Variants in SLC30A4 observed in about 807,000 individuals in gnomAD.
SLC30A4 encodes the protein solute carrier family 30 member 4.
In SLC30A4, 20 loss-of-function variants were observed where a neutral mutation model predicts 41.7. The ratio of observed to expected loss-of-function variants is 0.48; its 90% CI spans 0.34 to 0.70. The LOEUF is 0.70. SLC30A4 is among the 30% of genes least tolerant of loss of function. The pLI, the probability that SLC30A4 is intolerant of heterozygous loss-of-function variation, is 0.01. For missense variants in SLC30A4, 441 were observed against 529.3 expected, an observed-to-expected ratio of 0.83 and a Z score of 1.64; for synonymous variants, 181 against 195.9, an observed-to-expected ratio of 0.92 and a Z score of 0.64.
At chr15:45,486,550 G>A in intron 7 of SLC30A4, 61 bp downstream of exon 7, 2 of 1,421,088 alleles carry the variant, frequency 1.4e-6, no homozygotes, top group Non-Finnish European at 1.9e-6. Context: ...AAGCAGGGAT[G>A]TTTAGTTTCA....
intron 2 of SLC30A4, among the ~76,000 whole-genome samples, chr15:45,517,403 G>A (rs1393475515): frequency 7.0e-6 from 1 of 142,408 alleles, no homozygotes; most frequent in African/African-American, 2.6e-5. Context: ...GCCCAGGCTG[G>A]AGTGCAACAG....
chr15:45,511,490 T>C (rs1892289819), intron 2 of SLC30A4, among the ~76,000 whole-genome samples: 1 of 152,022 alleles, frequency 6.6e-6, no homozygotes, highest in Non-Finnish European at 1.5e-5. Context: ...CTTCTTTTTT[T>C]CTTTTTTTTT....
chr15:45,505,526 A>T (rs1168026807), intron 3 of SLC30A4, among the ~76,000 whole-genome samples: 2 of 152,218 alleles, frequency 1.3e-5, no homozygotes, highest in Non-Finnish European at 2.9e-5. Flanking sequence ...ATTTTTATTC[A>T]AAAGGAGCAA....
intron 3 of SLC30A4, among the ~76,000 whole-genome samples, chr15:45,494,352 CAA>C (rs1891867498): frequency 6.6e-6 from 1 of 152,062 alleles, no homozygotes; most frequent in Admixed American, 6.6e-5. Context: ...GATTTCTTGT[CAA>C]AGTTATAACT....
At chr15:45,509,131 C>T (rs185615918) in intron 3 of SLC30A4, among the ~76,000 whole-genome samples, 7 of 151,524 alleles carry the variant, frequency 4.6e-5, no homozygotes, top group Non-Finnish European at 8.8e-5. Flanking sequence ...GTTTAAATCT[C>T]AAAAAAATTA....
At chr15:45,488,288 T>C (rs1265201230) in intron 5 of SLC30A4, among the ~76,000 whole-genome samples, 1 of 152,166 alleles carries the variant, frequency 6.6e-6, no homozygotes, top group East Asian at 1.9e-4. Context: ...AATTGAGTTA[T>C]CTGGGCAATC....
At chr15:45,489,879 T>C (rs1400964226) in intron 4 of SLC30A4, among the ~76,000 whole-genome samples, 1 of 152,198 alleles carries the variant, frequency 6.6e-6, no homozygotes, top group Non-Finnish European at 1.5e-5. Flanking sequence ...CACTGATTTT[T>C]TTTTTGTACA....
intron 2 of SLC30A4, chr15:45,520,794 CAT>C (rs896625850): frequency 2.2e-5 from 6 of 277,604 alleles, no homozygotes; most frequent in African/African-American, 6.7e-5. Flanking sequence ...TATTTATACA[CAT>C]GTGACCTGTG....
At chr15:45,510,159 C>T (rs746570459) in intron 3 of SLC30A4, among the ~76,000 whole-genome samples, 10 of 149,810 alleles carry the variant, frequency 6.7e-5, no homozygotes, top group Non-Finnish European at 1.2e-4. Context: ...GTCTTAAAAG[C>T]AAAAACGAGA....
chr15:45,489,070 A>G, intron 4 of SLC30A4, 28 bp from the exon 5 acceptor site: 1 of 1,528,100 alleles, frequency 6.5e-7, no homozygotes, highest in Non-Finnish European at 9.0e-7. Context: ...AAACATTATT[A>G]TTTTTCCCAA....
chr15:45,490,575 T>C (rs1465823630), intron 4 of SLC30A4, among the ~76,000 whole-genome samples, 153 bp downstream of exon 4: 1 of 152,248 alleles, frequency 6.6e-6, no homozygotes, highest in Non-Finnish European at 1.5e-5. Flanking sequence ...ATGAGGAATT[T>C]ATAACGTCCA....
intron 4 of SLC30A4, among the ~76,000 whole-genome samples, chr15:45,490,246 C>T (rs923447516): frequency 1.3e-5 from 2 of 152,090 alleles, no homozygotes; most frequent in East Asian, 3.8e-4. Context: ...CACGAGCCAC[C>T]GTGCCTGGCT....
chr15:45,504,566 C>T (rs556599400), intron 3 of SLC30A4, among the ~76,000 whole-genome samples: 13 of 152,238 alleles, frequency 8.5e-5, no homozygotes, highest in African/African-American at 2.6e-4. Context: ...TTTTAAAGAT[C>T]GGATATTCTG....
At chr15:45,487,984 T>TGG (rs1891740428) in intron 5 of SLC30A4, among the ~76,000 whole-genome samples, 2 of 151,008 alleles carry the variant, frequency 1.3e-5, no homozygotes, top group African/African-American at 4.9e-5. Flanking sequence ...TGTGTGTGTG[T>TGG]GTGTGTGTGT....
At chr15:45,520,151 CTT>C (rs1247374291) in intron 2 of SLC30A4, among the ~76,000 whole-genome samples, 2 of 151,864 alleles carry the variant, frequency 1.3e-5, no homozygotes, top group Admixed American at 1.3e-4. Context: ...ATGCTGAGGA[CTT>C]TGAAAGTTGG....
intron 3 of SLC30A4, among the ~76,000 whole-genome samples, chr15:45,495,524 G>A (rs776032527): frequency 1.3e-5 from 2 of 152,092 alleles, no homozygotes; most frequent in Non-Finnish European, 2.9e-5. Context: ...AGATATATTA[G>A]GCATCCTATG....
intron 2 of SLC30A4, 57 bp downstream of exon 2, chr15:45,521,907 C>T: frequency 6.4e-7 from 1 of 1,550,646 alleles, no homozygotes; most frequent in Non-Finnish European, 8.8e-7. Flanking sequence ...GTAACTACAG[C>T]TTGACAAAGA....
intron 3 of SLC30A4, among the ~76,000 whole-genome samples, chr15:45,504,071 G>C (rs533595395): frequency 2.6e-5 from 4 of 152,298 alleles, no homozygotes; most frequent in Admixed American, 2.0e-4. Context: ...AACTGAGAGG[G>C]GAAGTAATAG....
chr15:45,518,756 G>A (rs1892575345), intron 2 of SLC30A4, among the ~76,000 whole-genome samples: 1 of 151,898 alleles, frequency 6.6e-6, no homozygotes, highest in Admixed American at 6.6e-5. Flanking sequence ...GGTAGAGAGG[G>A]GGTTTCATCA....
Sources: gnomAD v4.1 joint callset for allele counts (sites outside exome capture counted in the v4.1 genomes callset) on GRCh38, gnomAD v4.1.1 for gene constraint, MANE v1.5 for transcripts, NCBI Gene and HGNC (gene_info 2026-07-23, HGNC 2026-07-21) for gene names.